Variants in DPP6 observed in about 807,000 individuals in gnomAD.
The protein encoded by DPP6 is dipeptidyl peptidase like 6.
DPP6 carries 69 observed loss-of-function variants against 122.6 expected under a neutral mutation model. The observed-to-expected ratio is 0.56, with a 90% CI of 0.46 to 0.69. The LOEUF (loss-of-function observed/expected upper bound fraction) is 0.69, where lower values mean the gene tolerates loss of function less well. Among genes scored for constraint, DPP6 ranks in the 30% least tolerant of loss-of-function variants. The pLI, the probability that DPP6 is intolerant of heterozygous loss-of-function variation, is 0.00. For synonymous variants in DPP6, 418 were observed against 433.1 expected (o/e 0.97, Z 0.43); for missense variants, 928 against 1,116.9 (o/e 0.83, Z 2.41).
At chr7:154,779,032 C>A (rs1194316921) in intron 10 of DPP6, among the ~76,000 whole-genome samples, 5 of 151,874 alleles carry the variant, frequency 3.3e-5, no homozygotes, top group Admixed American at 6.6e-5. Flanking sequence ...TCACCTCCAC[C>A]ACCACCACCA....
intron 6 of DPP6, among the ~76,000 whole-genome samples, chr7:154,646,027 CAAAA>C (rs71184020): frequency 1.7e-5 from 1 of 57,932 alleles, no homozygotes; most frequent in Admixed American, 3.0e-4. Flanking sequence ...GACTCCGTCT[CAAAA>C]AAAAAAAAAA....
intron 1 of DPP6, among the ~76,000 whole-genome samples, chr7:154,176,352 C>T (rs914941221): frequency 2.0e-5 from 3 of 152,188 alleles, no homozygotes; most frequent in Admixed American, 6.5e-5. Flanking sequence ...TACATACAAA[C>T]ATTTGAAACC....
intron 1 of DPP6, among the ~76,000 whole-genome samples, chr7:154,387,082 G>A (rs1814182938): frequency 6.6e-6 from 1 of 152,286 alleles, no homozygotes; most frequent in East Asian, 1.9e-4. Context: ...GGGCGAAAGA[G>A]TGTGGAAAGA....
At chr7:153,782,009 C>T in the DPP6 span, among the ~76,000 whole-genome samples, 12 of 127,834 alleles carry the variant, frequency 9.4e-5, no homozygotes, top group South Asian at 5.7e-4. Flanking sequence ...CACACACACA[C>T]GCCTGACATT....
At chr7:154,033,378 C>T (rs1799357437) in intron 1 of DPP6, among the ~76,000 whole-genome samples, 2 of 152,216 alleles carry the variant, frequency 1.3e-5, no homozygotes, top group Non-Finnish European at 2.9e-5. Flanking sequence ...GCATTGAACT[C>T]TGGGGAGAAG....
chr7:154,288,937 TCTGC>T (rs1805025778), intron 1 of DPP6, among the ~76,000 whole-genome samples: 1 of 152,234 alleles, frequency 6.6e-6, no homozygotes, highest in East Asian at 1.9e-4. Context: ...AATGCCAGAC[TCTGC>T]CATCCTGAGA....
intron 1 of DPP6, among the ~76,000 whole-genome samples, chr7:154,125,634 A>G (rs756871188): frequency 1.3e-5 from 2 of 152,118 alleles, no homozygotes; most frequent in Non-Finnish European, 2.9e-5. Flanking sequence ...CACAAAAATG[A>G]ATTCACACTG....
Position 154,875,058 on chromosome 7 carries a change from C to T in DPP6, c.1884-848C>T, listed in dbSNP as rs972962012. The stretch of plus-strand genomic sequence containing the variant: ...AAGCCTGCAGTGAACCAAGATTGTG[C>T]CACTGCACTCCAGCCTGGCCGACAG... On this transcript the variant is annotated intron_variant, in intron 19 of 25. Coordinates refer to ENST00000377770, the MANE Select transcript of DPP6 (RefSeq NM_130797.4). This position sits in a 1 kb window ranked among gnomAD's most constrained non-coding sequence, Gnocchi z 4.5. Among the ~76,000 whole-genome samples, 1 of 151,682 alleles carries T rather than the reference C, an allele frequency of 6.6e-6. No homozygotes were observed. The highest frequency in any genetic ancestry group is 1.5e-5 in the Non-Finnish European group (1 of 67,962).
chr7:154,665,102 T>G (rs986471024), intron 6 of DPP6, among the ~76,000 whole-genome samples: 31 of 152,210 alleles, frequency 2.0e-4, no homozygotes, highest in Non-Finnish European at 2.4e-4. Context: ...CTTGCACTTT[T>G]GAGGAGGACT....
intron 3 of DPP6, among the ~76,000 whole-genome samples, chr7:154,526,293 A>G (rs1411682483): frequency 6.6e-6 from 1 of 152,160 alleles, no homozygotes; most frequent in East Asian, 1.9e-4. Flanking sequence ...TCTGCTCACC[A>G]CCTTTGGTGT....
intron 1 of DPP6, among the ~76,000 whole-genome samples, chr7:154,201,148 A>G (rs533304535): frequency 1.3e-5 from 2 of 151,714 alleles, no homozygotes; most frequent in East Asian, 1.9e-4. Flanking sequence ...TTTTTTTGAG[A>G]TGGAGTTTCC....
At chr7:154,023,444 G>T (rs1798815476) in intron 1 of DPP6, among the ~76,000 whole-genome samples, 1 of 151,466 alleles carries the variant, frequency 6.6e-6, no homozygotes, top group Non-Finnish European at 1.5e-5. Flanking sequence ...ACAGGACTTT[G>T]CCATTCGGTT....
intron 1 of DPP6, among the ~76,000 whole-genome samples, chr7:154,137,658 T>TGGGGGGGGGGGG: frequency 2.1e-5 from 1 of 48,414 alleles, no homozygotes; most frequent in South Asian, 1.4e-3. Context: ...GGTGGGGGGG[T>TGGGGGGGGGGGG]GGGGGGGGTG....
intron 2 of DPP6, among the ~76,000 whole-genome samples, chr7:154,469,860 T>C (rs142145501): frequency 1.8e-4 from 28 of 152,342 alleles, no homozygotes; most frequent in Admixed American, 4.6e-4. Context: ...TGCATTCTCA[T>C]TGAGCTTTTT....
At chr7:154,720,747 C>T (rs1486517974) in intron 7 of DPP6, among the ~76,000 whole-genome samples, 1 of 152,236 alleles carries the variant, frequency 6.6e-6, no homozygotes, top group Non-Finnish European at 1.5e-5. Context: ...AGGGCAAAGG[C>T]CATCCTGAAA....
At position 154,241,226 on chromosome 7, in the gene DPP6, T is replaced by TAG. The variant is rs1801589919; in HGVS notation, c.243+188164_243+188165insGA. On this transcript the variant is annotated intron_variant, in intron 1 of 25. Coordinates refer to ENST00000377770, the MANE Select transcript of DPP6 (RefSeq NM_130797.4). The surrounding 1 kb of genome is among the most constrained non-coding windows in gnomAD (Gnocchi z 9.0). ...GTGTGTGTGTGTGTGTGTGTATATA[T>TAG]ATATAGAGAGAGAGAGAGACACTTT... Among the ~76,000 whole-genome samples the TAG allele has an allele frequency of 1.3e-5, 2 of 150,326 alleles. No homozygotes were observed. Among genetic ancestry groups the TAG allele is most frequent in the African/African-American group, 5.0e-5 (2 of 40,002 alleles).
At chr7:154,303,390 TGCTTGGTG>T (rs1806039675) in intron 1 of DPP6, among the ~76,000 whole-genome samples, 2 of 152,158 alleles carry the variant, frequency 1.3e-5, no homozygotes, top group African/African-American at 4.8e-5. Flanking sequence ...ATGACAGGTT[TGCTTGGTG>T]ACCTTACACC....
At chr7:154,220,750 A>G (rs1800257713) in intron 1 of DPP6, among the ~76,000 whole-genome samples, 1 of 152,162 alleles carries the variant, frequency 6.6e-6, no homozygotes, top group South Asian at 2.1e-4. Context: ...ATGTTGTTAT[A>G]GCAGCATGAA....
intron 1 of DPP6, among the ~76,000 whole-genome samples, chr7:153,923,997 T>A (rs1800770510): frequency 6.6e-6 from 1 of 152,126 alleles, no homozygotes; most frequent in African/African-American, 2.4e-5. Context: ...GCTTTTCAAA[T>A]CCATGAACAT....
Sources: gnomAD v4.1 joint callset for allele counts (sites outside exome capture counted in the v4.1 genomes callset) on GRCh38, gnomAD v4.1.1 for gene constraint, Gnocchi (gnomAD v3.1) non-coding constraint, MANE v1.5 for transcripts, NCBI Gene and HGNC (gene_info 2026-07-23, HGNC 2026-07-21) for gene names.